The following GALNTL6 variants were observed in gnomAD, a reference collection of about 807,000 sequenced individuals.
GALNTL6 encodes polypeptide N-acetylgalactosaminyltransferase-like 6.
GALNTL6 carries 46 observed loss-of-function variants against 73.7 expected under a neutral mutation model. That is an observed-to-expected ratio of 0.62 (90% CI 0.49 to 0.80). GALNTL6 has a LOEUF of 0.80. Among genes scored for constraint, GALNTL6 ranks in the 30% least tolerant of loss-of-function variants. The probability of loss-of-function intolerance (pLI) is 0.00; values close to 1 mark genes in which losing one functional copy is unlikely to be tolerated. For synonymous variants in GALNTL6, 259 were observed against 263.7 expected (o/e 0.98, Z 0.17); for missense variants, 604 against 755.0 (o/e 0.80, Z 2.34).
At chr4:172,453,656 C>T (rs978781578) in intron 5 of GALNTL6, among the ~76,000 whole-genome samples, 1 of 152,174 alleles carries the variant, frequency 6.6e-6, no homozygotes, top group Non-Finnish European at 1.5e-5. Flanking sequence ...TACAAAAGGT[C>T]ATCATTAAAA....
chr4:172,405,545 A>T (rs337031), intron 5 of GALNTL6, among the ~76,000 whole-genome samples: 135,293 of 149,374 alleles, frequency 0.91, 61,352 homozygotes, highest in African/African-American at 0.96. Context: ...TACACATATA[A>T]CCATGTTATC....
chr4:172,967,050 C>A (rs973493817), intron 10 of GALNTL6, among the ~76,000 whole-genome samples: 1 of 152,234 alleles, frequency 6.6e-6, no homozygotes, highest in African/African-American at 2.4e-5. Context: ...AATTCTTTCT[C>A]CGTGTTTCAT....
chr4:172,299,711 G>C (rs1739836011), intron 3 of GALNTL6, among the ~76,000 whole-genome samples: 1 of 152,196 alleles, frequency 6.6e-6, no homozygotes, highest in Non-Finnish European at 1.5e-5. Flanking sequence ...GTTCTAGTTT[G>C]ATTGCACTGT....
At chr4:172,431,778 T>G (rs1384707653) in intron 5 of GALNTL6, among the ~76,000 whole-genome samples, 1 of 152,162 alleles carries the variant, frequency 6.6e-6, no homozygotes, top group African/African-American at 2.4e-5. Context: ...AAGTCAGTAT[T>G]TTTACTGACT....
chr4:172,557,639 TACTC>T (rs921725926), intron 5 of GALNTL6, among the ~76,000 whole-genome samples: 5 of 152,172 alleles, frequency 3.3e-5, no homozygotes, highest in East Asian at 1.9e-4. Flanking sequence ...TATGAAAAAT[TACTC>T]AATACCATTA....
At chr4:172,890,232 AT>A in intron 8 of GALNTL6, among the ~76,000 whole-genome samples, 1 of 151,594 alleles carries the variant, frequency 6.6e-6, no homozygotes, top group South Asian at 2.1e-4. Context: ...CTTTGTATTG[AT>A]TTTTGAGTCT....
chr4:172,676,373 T>A (rs540865008), intron 5 of GALNTL6, among the ~76,000 whole-genome samples: 2 of 152,330 alleles, frequency 1.3e-5, no homozygotes, highest in South Asian at 4.1e-4. Context: ...GAAAAATTCG[T>A]GAAGCAACAC....
intron 2 of GALNTL6, among the ~76,000 whole-genome samples, chr4:171,991,559 T>C (rs1740334724): frequency 6.6e-6 from 1 of 151,728 alleles, no homozygotes; most frequent in South Asian, 2.1e-4. Flanking sequence ...AGTGCAGTAT[T>C]TGTGTAAAAA....
intron 5 of GALNTL6, among the ~76,000 whole-genome samples, chr4:172,627,264 G>T (rs1739204663): frequency 6.6e-6 from 1 of 152,080 alleles, no homozygotes; most frequent in Admixed American, 6.6e-5. Flanking sequence ...TATGGCTTTT[G>T]TTTTTAATTC....
intron 4 of GALNTL6, among the ~76,000 whole-genome samples, chr4:172,328,838 C>T (rs1318592654): frequency 6.6e-6 from 1 of 152,196 alleles, no homozygotes; most frequent in African/African-American, 2.4e-5. Flanking sequence ...TGTTCCTACT[C>T]ATATTCTGAA....
At chr4:172,457,994 AAATCATAACAAT>A (rs1732462233) in intron 5 of GALNTL6, among the ~76,000 whole-genome samples, 1 of 152,106 alleles carries the variant, frequency 6.6e-6, no homozygotes, top group Non-Finnish European at 1.5e-5. Flanking sequence ...AAAAGAATGG[AAATCATAACAAT>A]CATAACAAAC....
chr4:172,546,810 A>ATATATATATACATATATATACG (rs1735782838), intron 5 of GALNTL6, among the ~76,000 whole-genome samples: 1 of 44,626 alleles, frequency 2.2e-5, no homozygotes, highest in African/African-American at 6.5e-5. Flanking sequence ...ATATATACGT[A>ATATATATATACATATATATACG]TATATATACG....
chr4:172,224,562 C>T (rs954402915), intron 2 of GALNTL6, among the ~76,000 whole-genome samples: 5 of 152,176 alleles, frequency 3.3e-5, no homozygotes, highest in Admixed American at 2.0e-4. Flanking sequence ...TAAGTTTGCT[C>T]TAACTTAGAG....
At position 171,904,463 on chromosome 4, in the gene GALNTL6, G is replaced by A. The variant is rs141774076; in HGVS notation, c.138+89745G>A. Reference sequence around the variant, plus strand: ...CGGAGAAAAAAGAATAAAAAGAAACGAGTAAAGCCTCCAAGAAATATGGGA... The same window carrying A: ...CGGAGAAAAAAGAATAAAAAGAAACAAGTAAAGCCTCCAAGAAATATGGGA... On this transcript the variant is annotated intron_variant, in intron 2 of 12. Coordinates refer to ENST00000506823, the MANE Select transcript of GALNTL6 (RefSeq NM_001034845.3). Among the ~76,000 whole-genome samples the A allele has an allele frequency of 3.4e-3, 524 of 152,250 alleles. 4 individuals are homozygous for A. The highest frequency in any genetic ancestry group is 5.4e-3 in the Non-Finnish European group (370 of 68,020).
At chr4:172,349,822 TA>T (rs33936551) in intron 5 of GALNTL6, among the ~76,000 whole-genome samples, 5 of 84,840 alleles carry the variant, frequency 5.9e-5, no homozygotes, top group Admixed American at 2.8e-4. Flanking sequence ...CGTCTCAAAT[TA>T]AAAAAAAATA....
chr4:172,251,881 A>G (rs1185914589), intron 3 of GALNTL6, among the ~76,000 whole-genome samples: 2 of 152,184 alleles, frequency 1.3e-5, no homozygotes, highest in Non-Finnish European at 2.9e-5. Context: ...GCCAAAAAGC[A>G]TCCTAAAAGT....
intron 8 of GALNTL6, among the ~76,000 whole-genome samples, chr4:172,890,783 C>G (rs1745988574): frequency 6.6e-6 from 1 of 152,068 alleles, no homozygotes; most frequent in Admixed American, 6.6e-5. Context: ...CTAACACTGC[C>G]CATGGGGTTT....
intron 5 of GALNTL6, among the ~76,000 whole-genome samples, chr4:172,378,754 A>G (rs1743148355): frequency 6.6e-6 from 1 of 152,128 alleles, no homozygotes; most frequent in Non-Finnish European, 1.5e-5. Flanking sequence ...CTTGATTTAT[A>G]ACATGTATCC....
intron 2 of GALNTL6, among the ~76,000 whole-genome samples, chr4:172,109,082 T>A (rs1579147651): frequency 6.6e-6 from 1 of 151,622 alleles, no homozygotes; most frequent in East Asian, 1.9e-4. Context: ...TCTCATATTA[T>A]GTCATTTAAT....
Sources: gnomAD v4.1 joint callset for allele counts (sites outside exome capture counted in the v4.1 genomes callset) on GRCh38, gnomAD v4.1.1 for gene constraint, MANE v1.5 for transcripts, NCBI Gene and HGNC (gene_info 2026-07-23, HGNC 2026-07-21) for gene names.